The following FRMD1 variants were observed in gnomAD, a reference collection of about 807,000 sequenced individuals.
The protein encoded by FRMD1 is FERM domain containing 1, also known as FERM domain-containing protein 1.
FRMD1 carries 51 observed loss-of-function variants against 54.9 expected under a neutral mutation model. The observed-to-expected ratio is 0.93, with a 90% CI of 0.74 to 1.17. The LOEUF is 1.17. Among genes scored for constraint, FRMD1 ranks in the 50% most tolerant of loss-of-function variants. The pLI is 0.00. For missense variants in FRMD1, 729 were observed against 743.0 expected (o/e 0.98, Z 0.22); for synonymous variants, 324 against 306.4 (o/e 1.06, Z -0.60).
chr6:168,064,981 C>T lies in FRMD1; in HGVS notation c.538G>A (p.Glu180Lys), dbSNP rs953092735. The change falls in exon 5 of 11, where the codon GAA (glutamate) becomes AAA (lysine). Residue 180 changes from glutamate to lysine, a missense_variant. Transcript: ENST00000283309. Reference sequence around the variant, plus strand: ...CAGGCAGCCAGCAGGAAGTAGGCTTCCTCCCGGTGAGCGCACTGTGACCTC... The same window carrying T: ...CAGGCAGCCAGCAGGAAGTAGGCTTTCTCCCGGTGAGCGCACTGTGACCTC... The part of the protein sequence containing the change: ...VLRSQCAHRE[E>K]AYFLLAACAL... 3 of 1,612,004 alleles carry T rather than the reference C, an allele frequency of 1.9e-6. No individual in the cohort carries two copies. Among genetic ancestry groups the T allele is most frequent in the Non-Finnish European group, 2.5e-6 (3 of 1,179,894 alleles).
chr6:168,063,338 C>T (rs183334547), intron 6 of FRMD1, among the ~76,000 whole-genome samples: 249 of 137,364 alleles, frequency 1.8e-3, no homozygotes, highest in African/African-American at 3.1e-3. Flanking sequence ...CTCTTAGCCA[C>T]GGGGGCTCCA....
At chr6:168,063,539 G>T (rs907281629) in intron 6 of FRMD1, 62 bp downstream of exon 6, 2 of 1,501,480 alleles carry the variant, frequency 1.3e-6, no homozygotes, top group Non-Finnish European at 8.9e-7. Context: ...AGCCATGGGG[G>T]CTCCGTGCAT....
At position 168,057,117 on chromosome 6, in the gene FRMD1, G is replaced by A; in HGVS notation, c.1630C>T (p.Pro544Ser). 6.7e-7 allele frequency: 1 copy of A among 1,496,482 alleles called. No homozygotes were observed. Among genetic ancestry groups the A allele is most frequent in the South Asian group, 1.4e-5 (1 of 73,006 alleles). 92.7% of individuals were successfully genotyped at this position (1,496,482 alleles called of 1,614,324 possible). A position where few individuals can be genotyped will look rare whatever the true frequency, so the allele number is the denominator to read the frequency against. The change falls in exon 11 of 11, where the codon CCA becomes TCA. Residue 544 changes from proline (P) to serine (S), a missense_variant. Coordinates refer to ENST00000283309, the MANE Select transcript of FRMD1 (RefSeq NM_024919.6). Reference protein sequence around the residue: ...LALDLFGEAPPQEFVV With the variant: ...LALDLFGEAPSQEFVV ...GGTGCCTACACCACAAACTCCTGTG[G>A]TGGAGCCTCTCCGAACAGGTCCAGG...
Position 168,059,675 on chromosome 6 carries a change from A to T in FRMD1, c.1343-487T>A, listed in dbSNP as rs1263872032. ...CACATCCACCGTCAGGGCCGTGGGG[A>T]CACTCAGAGACCAGCAGAGCTCACG... On this transcript the variant is annotated intron_variant, in intron 9 of 10. Transcript: ENST00000283309. This position sits in a 1 kb window ranked among gnomAD's most constrained non-coding sequence, Gnocchi z 4.4. Among the ~76,000 whole-genome samples the T allele has an allele frequency of 6.6e-6, 1 of 152,078 alleles. No homozygotes were observed. Among genetic ancestry groups the T allele is most frequent in the Non-Finnish European group, 1.5e-5 (1 of 68,004 alleles).
chr6:168,075,704 T>C, intron 1 of FRMD1: 1 of 1,487,000 alleles, frequency 6.7e-7, no homozygotes, highest in Non-Finnish European at 9.2e-7. Context: ...AAATGAATGC[T>C]TGGTTCCCCA....
chr6:168,079,104 A>C lies in FRMD1; in HGVS notation c.-10T>G. 6.3e-7 allele frequency: 1 copy of C among 1,586,822 alleles called. No individual in the cohort carries two copies. The highest frequency in any genetic ancestry group is 8.5e-7 in the Non-Finnish European group (1 of 1,170,080). The stretch of plus-strand genomic sequence containing the variant: ...TCGGGGGCACCGCCATGCTGTCGTT[A>C]CTCGGCCCTCCCCCGCCATGGGTCG... On this transcript the variant is annotated 5_prime_UTR_variant, in exon 1 of 11. Coordinates refer to ENST00000283309, the MANE Select transcript of FRMD1 (RefSeq NM_024919.6).
intron 1 of FRMD1, among the ~76,000 whole-genome samples, chr6:168,077,059 C>T (rs181544134): frequency 6.6e-6 from 1 of 150,920 alleles, no homozygotes; most frequent in Non-Finnish European, 1.5e-5. Context: ...GAGGGTTCCT[C>T]TCCTACTGCA....
At chr6:168,070,773 G>A (rs1456589291) in intron 2 of FRMD1, among the ~76,000 whole-genome samples, 1 of 152,212 alleles carries the variant, frequency 6.6e-6, no homozygotes, top group African/African-American at 2.4e-5. Flanking sequence ...AGGAGTGTGC[G>A]TGCGCGTCCT....
chr6:168,075,468 G>T, intron 1 of FRMD1, 133 bp from the exon 2 acceptor site: 1 of 732,042 alleles, frequency 1.4e-6, no homozygotes, highest in Non-Finnish European at 2.4e-6. Flanking sequence ...AACAGGTCTG[G>T]GTCTCTCACT....
chr6:168,065,337 C>T, intron 4 of FRMD1: 2 of 1,233,834 alleles, frequency 1.6e-6, no homozygotes, highest in East Asian at 7.5e-5. Flanking sequence ...TGAGCTTGGC[C>T]TTCACCAAAC....
At chr6:168,066,076 G>A in intron 4 of FRMD1, 3 of 998,886 alleles carry the variant, frequency 3.0e-6, no homozygotes, top group Non-Finnish European at 3.6e-6. Context: ...CACCTGCAGA[G>A]TGGGCAGTGA....
chr6:168,075,851 CCG>C (rs1308203309), intron 1 of FRMD1: 13 of 1,522,142 alleles, frequency 8.5e-6, no homozygotes, highest in Non-Finnish European at 1.1e-5. Flanking sequence ...TTCCGGCGTC[CCG>C]TGTCCACATT....
At chr6:168,089,732 C>A (rs192780005) in intron 1 of FRMD1, among the ~76,000 whole-genome samples, 1 of 152,310 alleles carries the variant, frequency 6.6e-6, no homozygotes, top group Admixed American at 6.5e-5. Flanking sequence ...CGAAGGCGGA[C>A]GGGCACAGCA....
intron 6 of FRMD1, among the ~76,000 whole-genome samples, 183 bp downstream of exon 6, chr6:168,063,418 T>C (rs1429894595): frequency 6.9e-6 from 1 of 144,312 alleles, no homozygotes; most frequent in Admixed American, 6.9e-5. Context: ...CCTGGGGTCC[T>C]GATCCCACTC....
In FRMD1 at chr6:168,056,935, TCA is replaced by T. The variant is rs1799432369; in HGVS notation, c.*160_*161del. 2.4e-6 allele frequency: 2 copies of T among 825,248 alleles called. No individual in the cohort carries two copies. Among genetic ancestry groups the T allele is most frequent in the Middle Eastern group, 3.7e-4 (1 of 2,680 alleles). 51.1% of individuals were successfully genotyped at this position (825,248 alleles called of 1,614,324 possible). On this transcript the variant is annotated 3_prime_UTR_variant, in exon 11 of 11. Transcript: ENST00000283309. ...CTGTTTGTTACCTCCCAGGTTGATG[TCA>T]GAGCCAGCTCCACACCTCTTACAGG... is the stretch of plus-strand genomic sequence containing the variant.
In FRMD1 at chr6:168,079,110, C is replaced by T. The variant is rs11750985; in HGVS notation, c.-16G>A. On this transcript the variant is annotated 5_prime_UTR_variant, in exon 1 of 11. Coordinates refer to ENST00000283309, the MANE Select transcript of FRMD1 (RefSeq NM_024919.6). ...GCACCGCCATGCTGTCGTTACTCGG[C>T]CCTCCCCCGCCATGGGTCGCAGGTG... 0.88 allele frequency: 1,383,717 copies of T among 1,576,566 alleles called. 608,426 individuals are homozygous for T. The highest frequency in any genetic ancestry group is 0.89 in the Non-Finnish European group (1,040,094 of 1,164,750).
At chr6:168,081,798 A>T (rs1800836211), upstream of FRMD1, 2 of 404,204 alleles carry the variant, frequency 4.9e-6, no homozygotes, top group African/African-American at 2.0e-5. Flanking sequence ...CAGGGACTGC[A>T]GAGGGGCGAG....
upstream of FRMD1, among the ~76,000 whole-genome samples, chr6:168,080,563 G>A (rs1192187522): frequency 2.6e-5 from 4 of 152,222 alleles, no homozygotes; most frequent in African/African-American, 9.6e-5. Context: ...GCTGCCTGGA[G>A]TCACAGTGCC....
intron 1 of FRMD1, chr6:168,075,621 C>A: frequency 1.2e-6 from 1 of 841,918 alleles, no homozygotes; most frequent in Non-Finnish European, 2.0e-6. Flanking sequence ...GAGGATTTCC[C>A]GAGACCAGTC....
Sources: gnomAD v4.1 joint callset for allele counts (sites outside exome capture counted in the v4.1 genomes callset) on GRCh38, gnomAD v4.1.1 for gene constraint, Gnocchi (gnomAD v3.1) non-coding constraint, MANE v1.5 for transcripts, NCBI Gene and HGNC (gene_info 2026-07-23, HGNC 2026-07-21) for gene names.